FHIT: variants seen among roughly 807,000 people sequenced by gnomAD.
The protein encoded by FHIT is fragile histidine triad diadenosine triphosphatase.
FHIT carries 19 observed loss-of-function variants against 17.9 expected under a neutral mutation model. The ratio of observed to expected loss-of-function variants is 1.06; its 90% CI spans 0.74 to 1.56. The LOEUF (loss-of-function observed/expected upper bound fraction) is 1.56, where lower values mean the gene tolerates loss of function less well. FHIT is among the 40% of genes most tolerant of loss of function. The pLI is 0.00. For synonymous variants in FHIT, 81 were observed against 69.7 expected (o/e 1.16, Z -0.81); for missense variants, 248 against 189.2 (o/e 1.31, Z -1.82).
chr3:60,520,539 A>G (rs1195117385), intron 5 of FHIT, among the ~76,000 whole-genome samples: 1 of 152,206 alleles, frequency 6.6e-6, no homozygotes, highest in Non-Finnish European at 1.5e-5. Context: ...GTCCTAGTCC[A>G]AACCTTTCCA....
intron 5 of FHIT, among the ~76,000 whole-genome samples, chr3:60,143,056 T>G (rs1276223412): frequency 6.6e-6 from 1 of 152,176 alleles, no homozygotes; most frequent in African/African-American, 2.4e-5. Context: ...AAACTGGGTC[T>G]GCGGCACAAT....
chr3:60,494,828 T>A (rs2034227598), intron 5 of FHIT, among the ~76,000 whole-genome samples: 1 of 152,194 alleles, frequency 6.6e-6, no homozygotes, highest in African/African-American at 2.4e-5. Flanking sequence ...TGTGGATAAA[T>A]AGTACTCCAT....
intron 5 of FHIT, among the ~76,000 whole-genome samples, chr3:60,394,727 A>G (rs1374900172): frequency 6.6e-6 from 1 of 152,196 alleles, no homozygotes; most frequent in Non-Finnish European, 1.5e-5. Flanking sequence ...ATATGTTTAG[A>G]ATAGTTCCTG....
intron 2 of FHIT, among the ~76,000 whole-genome samples, chr3:61,121,521 T>A (rs1164510646): frequency 6.6e-6 from 1 of 152,152 alleles, no homozygotes; most frequent in East Asian, 1.9e-4. Context: ...TAAAATCCTT[T>A]ATGGACAAGC....
At chr3:60,448,848 A>G (rs1173171716) in intron 5 of FHIT, among the ~76,000 whole-genome samples, 2 of 152,142 alleles carry the variant, frequency 1.3e-5, no homozygotes, top group African/African-American at 2.4e-5. Context: ...TAGCTAGTTG[A>G]AATGTGTTTA....
At chr3:60,163,587 CA>C (rs2107374380) in intron 5 of FHIT, among the ~76,000 whole-genome samples, 1 of 152,304 alleles carries the variant, frequency 6.6e-6, no homozygotes, top group South Asian at 2.1e-4. Flanking sequence ...GACTCCTGCT[CA>C]CCCTTCAGAC....
intron 3 of FHIT, among the ~76,000 whole-genome samples, chr3:60,946,767 A>T (rs1190118969): frequency 6.6e-6 from 1 of 152,154 alleles, no homozygotes; most frequent in Non-Finnish European, 1.5e-5. Context: ...TGAGAAAAAA[A>T]CAGACACCCC....
chr3:60,090,020 A>G (rs1242534192), intron 5 of FHIT, among the ~76,000 whole-genome samples: 2 of 152,172 alleles, frequency 1.3e-5, no homozygotes, highest in Non-Finnish European at 2.9e-5. Context: ...ATTGATCTAA[A>G]TGCTTTACAT....
chr3:60,517,265 C>T (rs1224547003), intron 5 of FHIT, among the ~76,000 whole-genome samples: 1 of 152,156 alleles, frequency 6.6e-6, no homozygotes, highest in East Asian at 1.9e-4. Flanking sequence ...GATTTGAGAA[C>T]ACACAACTTG....
Position 60,045,049 on chromosome 3 carries a change from A to G in FHIT, c.104-30897T>C, listed in dbSNP as rs149732942. Among the ~76,000 whole-genome samples, 11 of 152,254 alleles carry G rather than the reference A, an allele frequency of 7.2e-5. No individual in the cohort carries two copies. In the East Asian group the frequency reaches 2.1e-3, roughly 30 times the overall value. On this transcript the variant is annotated intron_variant, in intron 5 of 9. Coordinates refer to ENST00000492590, the MANE Select transcript of FHIT (RefSeq NM_002012.4). Reference sequence around the variant, plus strand: ...TGGCCATCATAAAAAACAGCAAAAAAAAGAAAGAAAGAAACAAAGATGGGG... The same window carrying G: ...TGGCCATCATAAAAAACAGCAAAAAGAAGAAAGAAAGAAACAAAGATGGGG...
At chr3:59,908,749 C>T (rs1704702769) in intron 8 of FHIT, among the ~76,000 whole-genome samples, 1 of 151,874 alleles carries the variant, frequency 6.6e-6, no homozygotes, top group African/African-American at 2.4e-5. Flanking sequence ...AGAAACGGCA[C>T]TGAACTTGCT....
chr3:60,735,040 C>T (rs1430427702), intron 4 of FHIT, among the ~76,000 whole-genome samples: 1 of 152,152 alleles, frequency 6.6e-6, no homozygotes, highest in Non-Finnish European at 1.5e-5. Flanking sequence ...AGCCAATTAC[C>T]TTTAACTATA....
chr3:60,604,215 T>G (rs1048524344), intron 4 of FHIT, among the ~76,000 whole-genome samples: 27 of 152,098 alleles, frequency 1.8e-4, no homozygotes, highest in Non-Finnish European at 3.7e-4. Flanking sequence ...AGAGAAAACA[T>G]AAAGAGAAAA....
At chr3:59,988,455 C>T (rs190851683) in intron 7 of FHIT, among the ~76,000 whole-genome samples, 1 of 152,132 alleles carries the variant, frequency 6.6e-6, no homozygotes, top group Admixed American at 6.6e-5. Flanking sequence ...TAGACTTTTA[C>T]CTGAACATTA....
At chr3:60,151,178 C>G (rs1246373032) in intron 5 of FHIT, among the ~76,000 whole-genome samples, 2 of 152,012 alleles carry the variant, frequency 1.3e-5, no homozygotes, top group Non-Finnish European at 2.9e-5. Flanking sequence ...AATTTCCTAC[C>G]CATTTAGTCA....
At chr3:60,538,024 A>G (rs899773611) in intron 4 of FHIT, among the ~76,000 whole-genome samples, 4 of 152,052 alleles carry the variant, frequency 2.6e-5, no homozygotes, top group African/African-American at 7.2e-5. Context: ...ATCCTTAGAA[A>G]CTCCAAAGTG....
chr3:61,167,701 CAGGAA>C (rs1365675568), intron 2 of FHIT, among the ~76,000 whole-genome samples: 3 of 139,342 alleles, frequency 2.2e-5, no homozygotes, highest in African/African-American at 5.3e-5. Flanking sequence ...AAGGACAGGA[CAGGAA>C]AGGAAAGGAA....
intron 2 of FHIT, among the ~76,000 whole-genome samples, chr3:61,062,800 C>T (rs2034473058): frequency 6.6e-6 from 1 of 152,078 alleles, no homozygotes; most frequent in Non-Finnish European, 1.5e-5. Flanking sequence ...AAAATTATTC[C>T]AGGTGATTAC....
chr3:60,056,484 G>A (rs574765615), intron 5 of FHIT, among the ~76,000 whole-genome samples: 1 of 152,202 alleles, frequency 6.6e-6, no homozygotes, highest in Non-Finnish European at 1.5e-5. Flanking sequence ...TCCTTATTGT[G>A]TTACAAGTTT....
Sources: allele counts gnomAD v4.1 joint callset (sites outside exome capture counted in the v4.1 genomes callset), GRCh38; gene constraint gnomAD v4.1.1; transcripts MANE v1.5; gene names NCBI Gene and HGNC (gene_info 2026-07-23, HGNC 2026-07-21).